GMPR: variants seen among roughly 807,000 people sequenced by gnomAD.
GMPR encodes the protein guanosine monophosphate reductase.
GMPR carries 31 observed loss-of-function variants against 38.4 expected under a neutral mutation model. The ratio of observed to expected loss-of-function variants is 0.81; its 90% CI spans 0.61 to 1.09. The LOEUF is 1.09. GMPR is among the 50% of genes least tolerant of loss of function. GMPR has a pLI of 0.00. For synonymous variants in GMPR, 162 were observed against 173.3 expected (o/e 0.93, Z 0.51); for missense variants, 468 against 453.7 (o/e 1.03, Z -0.29).
intron 3 of GMPR, among the ~76,000 whole-genome samples, chr6:16,250,775 G>T (rs1301671596): frequency 2.6e-5 from 4 of 152,076 alleles, no homozygotes; most frequent in Non-Finnish European, 5.9e-5. Flanking sequence ...GGCACCGTGG[G>T]TCATGCCTGT....
chr6:16,269,603 C>T (rs1759341904), intron 4 of GMPR, among the ~76,000 whole-genome samples: 1 of 152,104 alleles, frequency 6.6e-6, no homozygotes, highest in Admixed American at 6.6e-5. Flanking sequence ...TGAGACCAGC[C>T]TGGCCAACAT....
intron 6 of GMPR, among the ~76,000 whole-genome samples, chr6:16,280,725 A>G (rs893875993): frequency 6.6e-6 from 1 of 152,192 alleles, no homozygotes; most frequent in Non-Finnish European, 1.5e-5. Flanking sequence ...CCGGGACCCC[A>G]TCCTAGTGAA....
intron 8 of GMPR, among the ~76,000 whole-genome samples, chr6:16,292,957 C>T (rs899923572): frequency 2.0e-4 from 30 of 152,156 alleles, no homozygotes; most frequent in Admixed American, 1.6e-3. Flanking sequence ...GAAATTAGAA[C>T]CTTAATCCAA....
intron 6 of GMPR, among the ~76,000 whole-genome samples, chr6:16,281,009 G>A (rs2113698595): frequency 6.6e-6 from 1 of 152,326 alleles, no homozygotes; most frequent in South Asian, 2.1e-4. Context: ...GCAGGGTGGG[G>A]TGGAGGCTCT....
rs1194159041 is a variant in GMPR, at chr6:16,261,653, G to A, written c.465+6918G>A. 1.8e-4 allele frequency among the ~76,000 whole-genome samples: 28 copies of A among 152,018 alleles called. 1 individual carries two copies. In the Admixed American group the frequency reaches 1.9e-3, roughly 10 times the overall value. ...GTAAAATGGGGGAATTATAAGGAGAGTTTATAGGCTTTAAAAGGCCATGCT... is the reference window on the plus strand; with the variant it reads ...GTAAAATGGGGGAATTATAAGGAGAATTTATAGGCTTTAAAAGGCCATGCT... On this transcript the variant is annotated intron_variant, in intron 4 of 8. Transcript: ENST00000259727.
intron 4 of GMPR, among the ~76,000 whole-genome samples, chr6:16,260,450 C>T (rs1246427141): frequency 1.3e-5 from 2 of 151,966 alleles, no homozygotes; most frequent in Non-Finnish European, 2.9e-5. Flanking sequence ...AAGTGTCTAC[C>T]TAGACTAAGA....
At chr6:16,278,104 C>G (rs78340215) in intron 5 of GMPR, among the ~76,000 whole-genome samples, 1 of 152,074 alleles carries the variant, frequency 6.6e-6, no homozygotes, top group South Asian at 2.1e-4. Context: ...AAGTGAACCT[C>G]GGGCTAGGCT....
intron 7 of GMPR, 81 bp from the exon 8 acceptor site, chr6:16,290,381 A>C: frequency 7.8e-7 from 1 of 1,283,962 alleles, no homozygotes; most frequent in Non-Finnish European, 1.1e-6. Context: ...TGAACTGGGC[A>C]AGCACTGGGA....
At chr6:16,248,113 C>T (rs1358700370) in intron 2 of GMPR, among the ~76,000 whole-genome samples, 1 of 151,228 alleles carries the variant, frequency 6.6e-6, no homozygotes, top group Non-Finnish European at 1.5e-5. Flanking sequence ...AGCCTGTAGT[C>T]CCAGCTACTC....
At chr6:16,267,344 C>A (rs1759273632) in intron 4 of GMPR, among the ~76,000 whole-genome samples, 1 of 151,904 alleles carries the variant, frequency 6.6e-6, no homozygotes, top group African/African-American at 2.4e-5. Context: ...TGCACTCCGG[C>A]CTGGGTGAGA....
intron 4 of GMPR, among the ~76,000 whole-genome samples, chr6:16,267,160 A>G (rs755173303): frequency 2.2e-4 from 33 of 152,226 alleles, no homozygotes; most frequent in Middle Eastern, 6.8e-3. Context: ...TCAGGAGATC[A>G]TGACCATCCT....
rs1225212022 is a variant in GMPR, at chr6:16,238,616, C to T, written c.-78C>T. On this transcript the variant is annotated 5_prime_UTR_variant, in exon 1 of 9. Coordinates refer to ENST00000259727, the MANE Select transcript of GMPR (RefSeq NM_006877.4). ...CAGCTCCCGGCCGCGGCACAGCAGC[C>T]CCGGCGCTCCCCGCGCCGCCCCGCG... 20 of 416,076 alleles carry T rather than the reference C, an allele frequency of 4.8e-5. No homozygotes were observed. The highest frequency in any genetic ancestry group is 6.7e-5 in the Non-Finnish European group (20 of 297,642). The allele number at this position is 416,076 out of a possible 1,614,324, so 25.8% of individuals were successfully genotyped here.
intron 6 of GMPR, 143 bp downstream of exon 6, chr6:16,279,033 G>T: frequency 1.6e-6 from 1 of 615,726 alleles, no homozygotes; most frequent in Non-Finnish European, 2.9e-6. Flanking sequence ...AGCAGAAACA[G>T]AGGCCCTGCT....
At position 16,274,467 on chromosome 6, in the gene GMPR, C is replaced by A. The variant is rs771882851; in HGVS notation, c.518C>A (p.Ala173Glu). The A allele has an allele frequency of 2.4e-5, 39 of 1,607,668 alleles. No individual in the cohort carries two copies. Among genetic ancestry groups the A allele is most frequent in the Admixed American group, 1.3e-4 (8 of 59,992 alleles). The part of the protein sequence containing the change: ...EMVEELILSG[A>E]DIIKVGVGPG... ...GTAGAAGAGCTTATTCTTTCCGGAGCAGATATCATCAAAGTGGGAGTTGGA... is the reference window on the plus strand; with the variant it reads ...GTAGAAGAGCTTATTCTTTCCGGAGAAGATATCATCAAAGTGGGAGTTGGA... Residue 173 changes from alanine (A) to glutamate (E), a missense_variant, in exon 5 of 9, where the codon GCA (alanine) becomes GAA (glutamate). By Grantham distance (107) the Ala-to-Glu change is moderately radical. Transcript: ENST00000259727.
chr6:16,275,495 A>G (rs1444984868), intron 5 of GMPR, among the ~76,000 whole-genome samples: 1 of 152,212 alleles, frequency 6.6e-6, no homozygotes, highest in African/African-American at 2.4e-5. Context: ...CTTTTAACAT[A>G]CAGGGAGATT....
At chr6:16,284,524 T>TAGCTTTGGGCTGTG (rs1759637813) in intron 6 of GMPR, among the ~76,000 whole-genome samples, 2 of 152,194 alleles carry the variant, frequency 1.3e-5, no homozygotes, top group African/African-American at 2.4e-5. Flanking sequence ...GACCCACACT[T>TAGCTTTGGGCTGTG]AGCTTTGGGC....
chr6:16,260,072 C>T (rs1042695358), intron 4 of GMPR, among the ~76,000 whole-genome samples: 1 of 152,076 alleles, frequency 6.6e-6, no homozygotes, highest in African/African-American at 2.4e-5. Flanking sequence ...AGCGTCTATA[C>T]AGGAGCTCAA....
intron 4 of GMPR, among the ~76,000 whole-genome samples, chr6:16,266,245 A>C (rs1056565343): frequency 6.6e-6 from 1 of 151,966 alleles, no homozygotes; most frequent in African/African-American, 2.4e-5. Context: ...ACCACCTTTA[A>C]GAGCTGTAAC....
intron 3 of GMPR, among the ~76,000 whole-genome samples, chr6:16,251,943 A>T (rs1199377743): frequency 2.0e-5 from 3 of 152,164 alleles, no homozygotes; most frequent in East Asian, 3.8e-4. Flanking sequence ...AGCCACAGAC[A>T]GGTCTCCCTG....
Sources: allele counts gnomAD v4.1 joint callset (sites outside exome capture counted in the v4.1 genomes callset), GRCh38; gene constraint gnomAD v4.1.1; transcripts MANE v1.5; gene names NCBI Gene and HGNC (gene_info 2026-07-23, HGNC 2026-07-21).